Variants in LATS1 observed in about 807,000 individuals in gnomAD.
The protein encoded by LATS1 is large tumor suppressor kinase 1.
LATS1 carries 25 observed loss-of-function variants against 106.6 expected under a neutral mutation model. The ratio of observed to expected loss-of-function variants is 0.23; its 90% CI spans 0.17 to 0.33. The LOEUF is 0.33. Ranked by LOEUF, LATS1 falls within the 10% of genes least tolerant of loss-of-function variation. The pLI, the probability that LATS1 is intolerant of heterozygous loss-of-function variation, is 1.00. For missense variants in LATS1, 1,040 were observed against 1,382.6 expected (o/e 0.75, Z 3.93); for synonymous variants, 465 against 455.6 (o/e 1.02, Z -0.26).
chr6:149,693,595 G>A (rs2114897446), intron 3 of LATS1, among the ~76,000 whole-genome samples: 1 of 150,540 alleles, frequency 6.6e-6, no homozygotes, highest in African/African-American at 2.4e-5. Flanking sequence ...GGGTGACAGA[G>A]TGAGACTCCA....
At chr6:149,679,187 C>T (rs998749355) in intron 5 of LATS1, among the ~76,000 whole-genome samples, 1 of 152,038 alleles carries the variant, frequency 6.6e-6, no homozygotes, top group Non-Finnish European at 1.5e-5. Flanking sequence ...TGTTTAAGGG[C>T]TTCTAAAGTA....
chr6:149,686,789 C>A (rs1582883358), intron 3 of LATS1, among the ~76,000 whole-genome samples: 2 of 152,178 alleles, frequency 1.3e-5, no homozygotes, highest in Non-Finnish European at 2.9e-5. Flanking sequence ...TCAGCCACAG[C>A]TTCAGCATTC....
In LATS1 at chr6:149,684,499, C is replaced by T. The variant is rs1782249616; in HGVS notation, c.590G>A (p.Ser197Asn). The change falls in exon 4 of 8, where the codon AGT (serine) becomes AAT (asparagine). Residue 197 changes from serine to asparagine, a missense_variant. By Grantham distance (46) the Ser-to-Asn change is conservative (BLOSUM62 1). Coordinates refer to ENST00000543571, the MANE Select transcript of LATS1 (RefSeq NM_004690.4). ...PQRHGPPLGE[S>N]VAYHSESPNS... ...GGGACTCTCAGAATGATAGGCCACA[C>T]TTTCTCCTAGTGGCGGGCCATGCCT... 2 of 1,614,012 alleles carry T rather than the reference C, an allele frequency of 1.2e-6. No homozygotes were observed. The highest frequency in any genetic ancestry group is 1.7e-6 in the Non-Finnish European group (2 of 1,180,008).
chr6:149,674,985 G>A (rs1457864075), intron 7 of LATS1, among the ~76,000 whole-genome samples: 7 of 152,020 alleles, frequency 4.6e-5, no homozygotes, highest in East Asian at 1.9e-4. Flanking sequence ...TCAGGAGGCC[G>A]AGGCGGGCAG....
intron 4 of LATS1, among the ~76,000 whole-genome samples, chr6:149,681,780 G>T (rs891143534): frequency 2.0e-5 from 3 of 152,170 alleles, no homozygotes; most frequent in Non-Finnish European, 4.4e-5. Flanking sequence ...AGTGACAGAT[G>T]TAAGATTAGG....
Position 149,684,476 on chromosome 6 carries a change from G to A in LATS1, c.613C>T (p.Pro205Ser), listed in dbSNP as rs756979117. 1.2e-5 allele frequency: 20 copies of A among 1,613,712 alleles called. No homozygotes were observed. The highest frequency in any genetic ancestry group is 1.6e-4 in the Middle Eastern group (1 of 6,084). The change falls in exon 4 of 8, where the codon CCC (proline) becomes TCC (serine). Residue 205 changes from proline (P) to serine (S), a missense_variant. Transcript: ENST00000543571. ...CTTCCTACATCTGTCTGTGAGTTGG[G>A]ACTCTCAGAATGATAGGCCACACTT... ...GESVAYHSES[P>S]NSQTDVGRPL...
chr6:149,690,987 T>C (rs1202891967), intron 3 of LATS1, among the ~76,000 whole-genome samples: 1 of 151,978 alleles, frequency 6.6e-6, no homozygotes, highest in African/African-American at 2.4e-5. Context: ...GAAACACTTC[T>C]TGAAGGTATA....
chr6:149,693,144 C>A (rs978534737), intron 3 of LATS1, among the ~76,000 whole-genome samples: 1 of 151,574 alleles, frequency 6.6e-6, no homozygotes, highest in African/African-American at 2.4e-5. Context: ...GCACCTGTAA[C>A]CCCAGCTACT....
At chr6:149,702,821 G>A (rs751025173) in intron 1 of LATS1, among the ~76,000 whole-genome samples, 7 of 151,980 alleles carry the variant, frequency 4.6e-5, no homozygotes, top group Non-Finnish European at 8.8e-5. Context: ...ACAGGCACCC[G>A]CCACCACGCC....
intron 1 of LATS1, among the ~76,000 whole-genome samples, chr6:149,705,195 G>A (rs571617434): frequency 5.3e-5 from 8 of 152,104 alleles, no homozygotes; most frequent in African/African-American, 1.7e-4. Context: ...AATTAGGATG[G>A]ACATACCATG....
chr6:149,684,356 C>A lies in LATS1; in HGVS notation c.733G>T (p.Val245Phe). ...CCTCTTGGAGGTGGTGGAGGAGTAA[C>A]ACTCCTTACTTGAGGTGGTGGTGGG... ...NPPPPPQVRS[V>F]TPPPPPRGQT... Residue 245 changes from valine (V) to phenylalanine (F), a missense_variant, in exon 4 of 8, where the codon GTT becomes TTT. By Grantham distance (50) the Val-to-Phe change is conservative (BLOSUM62 -1). Around this residue, in one of 7 missense-constraint regions of LATS1, gnomAD observed 624 missense variants for 714.8 expected, o/e 0.87. Coordinates refer to ENST00000543571, the MANE Select transcript of LATS1 (RefSeq NM_004690.4). 6.2e-7 allele frequency: 1 copy of A among 1,613,584 alleles called. No homozygotes were observed. The highest frequency in any genetic ancestry group is 8.5e-7 in the Non-Finnish European group (1 of 1,179,664).
chr6:149,696,122 G>A (rs914373485), intron 2 of LATS1, among the ~76,000 whole-genome samples: 7 of 151,326 alleles, frequency 4.6e-5, no homozygotes, highest in Admixed American at 3.3e-4. Context: ...GGCCAGGCTG[G>A]TCTCAAACTC....
intron 1 of LATS1, among the ~76,000 whole-genome samples, chr6:149,712,837 T>A (rs1467555245): frequency 6.6e-6 from 1 of 151,906 alleles, no homozygotes; most frequent in South Asian, 2.1e-4. Flanking sequence ...CTACAAAAAA[T>A]AGAAAAAATC....
At chr6:149,674,801 C>T (rs1351580546) in intron 7 of LATS1, among the ~76,000 whole-genome samples, 1 of 151,920 alleles carries the variant, frequency 6.6e-6, no homozygotes, top group African/African-American at 2.4e-5. Flanking sequence ...TCCCATCTAC[C>T]CAGGAGGCTG....
At chr6:149,677,988 C>T (rs1265465525) in intron 5 of LATS1, among the ~76,000 whole-genome samples, 2 of 148,378 alleles carry the variant, frequency 1.3e-5, no homozygotes, top group Non-Finnish European at 3.0e-5. Context: ...CCACTGCACT[C>T]CAGCCTGGCA....
intron 5 of LATS1, among the ~76,000 whole-genome samples, chr6:149,679,444 C>T (rs538303804): frequency 6.0e-5 from 9 of 150,494 alleles, no homozygotes; most frequent in East Asian, 3.9e-4. Context: ...CCCAGCTACT[C>T]GGGAGGCTGA....
rs1408581430 is a variant in LATS1 at position 149,659,225 on chromosome 6, T to C, written c.*2504A>G. ...GGTCACGTCTGTAATCCCAGCACTT[T>C]GGGAGGCTGAGGTGGGCATATAACT... On this transcript the variant is annotated 3_prime_UTR_variant, in exon 8 of 8. Transcript: ENST00000543571. 1 of 179,022 alleles carries C rather than the reference T, an allele frequency of 5.6e-6. No individual in the cohort carries two copies. The highest frequency in any genetic ancestry group is 2.4e-5 in the African/African-American group (1 of 42,312). The allele number at this position is 179,022 out of a possible 1,614,324, so 11.1% of individuals were successfully genotyped here. A position where few individuals can be genotyped will look rare whatever the true frequency, so the allele number is the denominator to read the frequency against.
chr6:149,716,856 G>C (rs570423148), intron 1 of LATS1, among the ~76,000 whole-genome samples: 12 of 152,236 alleles, frequency 7.9e-5, no homozygotes, highest in African/African-American at 2.9e-4. Context: ...CTTTGTTTTC[G>C]TAGCACAGAA....
At chr6:149,689,316 A>T (rs1448357153) in intron 3 of LATS1, among the ~76,000 whole-genome samples, 2 of 151,854 alleles carry the variant, frequency 1.3e-5, no homozygotes, top group Non-Finnish European at 2.9e-5. Context: ...ATGGACAAGG[A>T]ATTTGGAAGA....
Sources: allele counts gnomAD v4.1 joint callset (sites outside exome capture counted in the v4.1 genomes callset), GRCh38; gene constraint gnomAD v4.1.1; regional missense constraint gnomAD v4.1.1; transcripts MANE v1.5; gene names NCBI Gene and HGNC (gene_info 2026-07-23, HGNC 2026-07-21).